Variants in PASD1 observed in about 807,000 individuals in gnomAD.
PASD1 encodes the protein PAS domain containing repressor 1.
PASD1 carries 13 observed loss-of-function variants against 58.8 expected under a neutral mutation model. That is an observed-to-expected ratio of 0.22 (90% confidence interval 0.14 to 0.35). The LOEUF is 0.35. PASD1 is among the 10% of genes least tolerant of loss of function. The pLI, the probability that PASD1 is intolerant of heterozygous loss-of-function variation, is 1.00. For missense variants in PASD1, 734 were observed against 568.3 expected, an observed-to-expected ratio of 1.29 and a Z score of -2.96; for synonymous variants, 236 against 216.7, an observed-to-expected ratio of 1.09 and a Z score of -0.78.
Position 151,664,317 on chromosome X carries a change from T to C in PASD1, c.1040T>C (p.Val347Ala). The change falls in exon 11 of 16, where the codon GTG (valine) becomes GCG (alanine). Residue 347 changes from valine (V) to alanine (A), a missense_variant. Physicochemically the swap from Val to Ala is moderately conservative, Grantham distance 64. Coordinates refer to ENST00000370357, the MANE Select transcript of PASD1 (RefSeq NM_173493.3). ...GATCCAGTGGATCCAGAGGACTCAG[T>C]GGACCTGGGGGCTGCTGGCGCAAGT... ...LMDPVDPEDS[V>A]DLGAAGASAQ... The C allele has an allele frequency of 5.8e-6, 7 of 1,212,078 alleles. No individual in the cohort carries two copies. The highest frequency in any genetic ancestry group is 7.8e-6 in the Non-Finnish European group (7 of 895,581).
In PASD1 at chrX:151,672,227, GCAGCTGCGGGAGCAGCTGCAA is replaced by G. The variant is rs754756057; in HGVS notation, c.1489_1509del (p.Leu500_Gln506del). 2.6e-6 allele frequency: 3 copies of G among 1,137,608 alleles called. No individual in the cohort carries two copies. Among genetic ancestry groups the G allele is most frequent in the Non-Finnish European group, 3.5e-6 (3 of 850,929 alleles). 93.8% of individuals were successfully genotyped at this position (1,137,608 alleles called of 1,213,427 possible). On this transcript the variant is annotated inframe_deletion, in exon 14 of 16. Transcript: ENST00000370357. ...AACAACACCTGAAGGAGCAGCAGCG[GCAGCTGCGGGAGCAGCTGCAA>G]CAGCTGAGAGAGCAAAGGAAGGTGC...
At chrX:151,657,069 G>T (rs1272947697) in intron 9 of PASD1, among the ~76,000 whole-genome samples, 1 of 111,676 alleles carries the variant, frequency 9.0e-6, no homozygotes, top group African/African-American at 3.3e-5. Flanking sequence ...TAGCATGAAG[G>T]GCTGTTGAAT....
chrX:151,652,642 G>C (rs908012690), intron 9 of PASD1, among the ~76,000 whole-genome samples: 1 of 111,634 alleles, frequency 9.0e-6, no homozygotes, highest in Non-Finnish European at 1.9e-5. Context: ...AGGAGGTTTG[G>C]GAATGCAAGA....
chrX:151,656,479 C>T (rs933347504), intron 9 of PASD1, among the ~76,000 whole-genome samples: 17 of 111,743 alleles, frequency 1.5e-4, no homozygotes, highest in African/African-American at 5.5e-4. Flanking sequence ...ATTGATTCTT[C>T]CTATCCATGA....
intron 8 of PASD1, among the ~76,000 whole-genome samples, chrX:151,634,799 T>C (rs1207941289): frequency 8.9e-6 from 1 of 111,830 alleles, no homozygotes; most frequent in East Asian, 2.8e-4. Context: ...TTTGATCACA[T>C]GGTTAAAGAG....
chrX:151,671,267 G>C, intron 12 of PASD1, 71 bp downstream of exon 12: 3 of 1,123,640 alleles, frequency 2.7e-6, no homozygotes, highest in South Asian at 2.1e-5. Context: ...AGGAGAGAGG[G>C]ACCTTGGCAA....
intron 3 of PASD1, among the ~76,000 whole-genome samples, chrX:151,606,479 G>T (rs1298270916): frequency 2.7e-5 from 3 of 111,507 alleles, no homozygotes; most frequent in Non-Finnish European, 3.8e-5. Context: ...TTGGTCAAAC[G>T]TAACAGCCTC....
At chrX:151,612,384 A>G (rs1316890944) in intron 4 of PASD1, among the ~76,000 whole-genome samples, 1 of 108,274 alleles carries the variant, frequency 9.2e-6, no homozygotes, top group African/African-American at 3.4e-5. Context: ...TCCCTGAGGA[A>G]TCGCCACACT....
intron 8 of PASD1, among the ~76,000 whole-genome samples, chrX:151,632,272 G>A (rs2013878539): frequency 9.0e-6 from 1 of 111,574 alleles, no homozygotes; most frequent in African/African-American, 3.3e-5. Flanking sequence ...GCCTCAACAA[G>A]CAGGTGACTT....
intron 1 of PASD1, among the ~76,000 whole-genome samples, chrX:151,600,072 G>T: frequency 8.9e-6 from 1 of 112,198 alleles, no homozygotes; most frequent in Non-Finnish European, 1.9e-5. Context: ...AGACCAGCCC[G>T]GCCAACAAGG....
intron 11 of PASD1, among the ~76,000 whole-genome samples, chrX:151,664,645 G>T (rs1792810254): frequency 9.0e-6 from 1 of 111,314 alleles, no homozygotes; most frequent in Non-Finnish European, 1.9e-5. Flanking sequence ...CAAATAAGAA[G>T]CTTAGCTGCT....
At chrX:151,625,555 A>G in intron 8 of PASD1, 25 bp downstream of exon 8, 1 of 1,084,205 alleles carries the variant, frequency 9.2e-7, no homozygotes. Flanking sequence ...TGATAAAGCT[A>G]ATGAAGATCT....
intron 1 of PASD1, among the ~76,000 whole-genome samples, chrX:151,569,579 G>T (rs773033896): frequency 1.8e-5 from 2 of 111,938 alleles, no homozygotes; most frequent in East Asian, 5.6e-4. Context: ...TAAGAAACAA[G>T]GTAGAGCTTT....
chrX:151,581,715 C>G (rs1323791918), intron 1 of PASD1, among the ~76,000 whole-genome samples: 1 of 110,782 alleles, frequency 9.0e-6, no homozygotes, highest in Non-Finnish European at 1.9e-5. Context: ...TGGAGAGGAA[C>G]CCATATTAGA....
chrX:151,667,157 G>T lies in PASD1; in HGVS notation c.1071+2809G>T, dbSNP rs1426849703. On this transcript the variant is annotated intron_variant, in intron 11 of 15. Transcript: ENST00000370357. Reference sequence around the variant, plus strand: ...CCAGTGATGCTGAGCATTTTTTCATGTGTCTTTTGGCTGCATAAATGTCTT... The same window carrying T: ...CCAGTGATGCTGAGCATTTTTTCATTTGTCTTTTGGCTGCATAAATGTCTT... Among the ~76,000 whole-genome samples, 4 of 112,044 alleles carry T rather than the reference G, an allele frequency of 3.6e-5. No homozygotes were observed. The East Asian group carries it at 1.1e-3, about 31-fold the overall frequency.
intron 8 of PASD1, among the ~76,000 whole-genome samples, chrX:151,638,236 T>TTGAGAAA (rs1213335211): frequency 1.8e-5 from 2 of 109,060 alleles, no homozygotes; most frequent in Non-Finnish European, 3.8e-5. Flanking sequence ...ATAGGTGGAA[T>TTGAGAAA]TGAGAAATGA....
At chrX:151,673,598 C>A in intron 14 of PASD1, 1 of 309,043 alleles carries the variant, frequency 3.2e-6, no homozygotes, top group East Asian at 5.9e-5. Flanking sequence ...ACAGTCTCTG[C>A]TCAGCCATTA....
rs139050776 is a variant in PASD1 at position 151,674,039 on chromosome X, A to C, written c.2028A>C (p.Ser676=). 69 of 1,210,071 alleles carry C rather than the reference A, an allele frequency of 5.7e-5. No individual in the cohort carries two copies. In the African/African-American group the frequency reaches 1.1e-3, roughly 19 times the overall value. Residue 676 remains serine, a synonymous_variant, in exon 15 of 16, where the codon TCA becomes TCC. Transcript: ENST00000370357. ...GCATTCCTCAGTTTCCCATAACTTC[A>C]GACTCAACCATAAGCACCCTGGAGA... The part of the protein sequence containing the change: ...SSSIPQFPIT[S]DSTISTLETP...
At chrX:151,620,883 T>C in intron 4 of PASD1, 47 bp from the exon 5 acceptor site, 3 of 997,022 alleles carry the variant, frequency 3.0e-6, no homozygotes, top group Non-Finnish European at 4.2e-6. Context: ...ACTCTCTCCC[T>C]CTTCCCCTCC....
Sources: gnomAD v4.1 joint callset for allele counts (sites outside exome capture counted in the v4.1 genomes callset) on GRCh38, gnomAD v4.1.1 for gene constraint, MANE v1.5 for transcripts, NCBI Gene and HGNC (gene_info 2026-07-23, HGNC 2026-07-21) for gene names.